Variants in KCNH5 observed in about 807,000 individuals in gnomAD.
KCNH5 encodes voltage-gated delayed rectifier potassium channel KCNH5.
In KCNH5, 46 loss-of-function variants were observed where a neutral mutation model predicts 96.1. The observed-to-expected ratio is 0.48, with a 90% CI of 0.38 to 0.61. KCNH5 has a LOEUF of 0.61. Among genes scored for constraint, KCNH5 ranks in the 20% least tolerant of loss-of-function variants. The pLI, the probability that KCNH5 is intolerant of heterozygous loss-of-function variation, is 0.00. For synonymous variants in KCNH5, 439 were observed against 449.8 expected, an observed-to-expected ratio of 0.98 and a Z score of 0.30; for missense variants, 907 against 1,225.8, an observed-to-expected ratio of 0.74 and a Z score of 3.88.
chr14:63,007,752 G>A (rs1011043563), intron 2 of KCNH5, among the ~76,000 whole-genome samples: 4 of 152,086 alleles, frequency 2.6e-5, no homozygotes, highest in African/African-American at 7.2e-5. Flanking sequence ...CTTAAGATAG[G>A]TACAAGTGTG....
chr14:62,811,100 C>A (rs1886864091), intron 8 of KCNH5, among the ~76,000 whole-genome samples: 1 of 152,026 alleles, frequency 6.6e-6, no homozygotes, highest in Non-Finnish European at 1.5e-5. Flanking sequence ...ATGTCATGGT[C>A]TGAAAAAGAA....
chr14:62,714,126 AT>A (rs1239087447), intron 10 of KCNH5, among the ~76,000 whole-genome samples: 1 of 16,890 alleles, frequency 5.9e-5, no homozygotes, highest in African/African-American at 7.7e-5. Flanking sequence ...CTACAATAAA[AT>A]TTAAAAAAAA....
At chr14:62,984,278 G>A (rs939241529) in intron 5 of KCNH5, among the ~76,000 whole-genome samples, 3 of 152,060 alleles carry the variant, frequency 2.0e-5, no homozygotes, top group Non-Finnish European at 2.9e-5. Flanking sequence ...GTGGCAGGGC[G>A]TATATATTTA....
chr14:62,988,099 T>A (rs1890743306), intron 4 of KCNH5, among the ~76,000 whole-genome samples: 2 of 152,092 alleles, frequency 1.3e-5, no homozygotes, highest in African/African-American at 4.8e-5. Flanking sequence ...AATTTTCTTC[T>A]GGGGCCTCAA....
At chr14:62,743,583 T>G (rs1885316784) in intron 10 of KCNH5, among the ~76,000 whole-genome samples, 1 of 152,204 alleles carries the variant, frequency 6.6e-6, no homozygotes, top group South Asian at 2.1e-4. Flanking sequence ...TTAAAAAATC[T>G]AATACGGGAA....
At chr14:62,962,874 A>G (rs1324154708) in intron 6 of KCNH5, among the ~76,000 whole-genome samples, 1 of 152,186 alleles carries the variant, frequency 6.6e-6, no homozygotes, top group Non-Finnish European at 1.5e-5. Flanking sequence ...TCAGCAAAAA[A>G]TAACCTTCAA....
intron 6 of KCNH5, among the ~76,000 whole-genome samples, chr14:62,956,311 T>C (rs889847991): frequency 1.8e-4 from 27 of 152,118 alleles, no homozygotes; most frequent in Admixed American, 6.6e-5. Context: ...ATGGAACTAC[T>C]CCATGGGGTT....
At chr14:62,799,860 A>T (rs1886624156) in intron 9 of KCNH5, among the ~76,000 whole-genome samples, 1 of 144,042 alleles carries the variant, frequency 6.9e-6, no homozygotes, top group South Asian at 2.1e-4. Context: ...TTTAATATTT[A>T]ATATATATAT....
chr14:62,812,282 T>C (rs1041266572), intron 8 of KCNH5, among the ~76,000 whole-genome samples: 1 of 152,184 alleles, frequency 6.6e-6, no homozygotes, highest in African/African-American at 2.4e-5. Flanking sequence ...GCCACTGCCA[T>C]AGAACAGCCT....
intron 8 of KCNH5, among the ~76,000 whole-genome samples, chr14:62,842,474 T>C (rs1178017127): frequency 6.6e-6 from 1 of 152,240 alleles, no homozygotes; most frequent in African/African-American, 2.4e-5. Context: ...GATGTAACAA[T>C]AGTTAAGTTC....
intron 7 of KCNH5, among the ~76,000 whole-genome samples, chr14:62,884,718 A>T (rs1399263230): frequency 6.6e-6 from 1 of 152,230 alleles, no homozygotes; most frequent in Non-Finnish European, 1.5e-5. Flanking sequence ...GCCAGCTGTT[A>T]AAAAAAGAAG....
chr14:62,966,101 A>G (rs1323758232), intron 6 of KCNH5, among the ~76,000 whole-genome samples: 1 of 152,200 alleles, frequency 6.6e-6, no homozygotes, highest in Non-Finnish European at 1.5e-5. Context: ...ATAAATGTGA[A>G]TGTAACTGAA....
intron 7 of KCNH5, among the ~76,000 whole-genome samples, chr14:62,928,214 A>C (rs1889511655): frequency 6.6e-6 from 1 of 152,126 alleles, no homozygotes; most frequent in African/African-American, 2.4e-5. Context: ...ATCCTGCAGA[A>C]GTCATGCGGT....
chr14:62,805,136 T>C (rs1886739559), intron 8 of KCNH5, among the ~76,000 whole-genome samples: 1 of 152,100 alleles, frequency 6.6e-6, no homozygotes, highest in Admixed American at 6.5e-5. Context: ...AATGGAAAAA[T>C]AGACTGCTCT....
intron 7 of KCNH5, among the ~76,000 whole-genome samples, chr14:62,899,184 G>A (rs1888872846): frequency 6.6e-6 from 1 of 152,016 alleles, no homozygotes; most frequent in African/African-American, 2.4e-5. Context: ...TGGTCATAAA[G>A]CAAGTCTTGA....
At chr14:63,029,220 A>T (rs760610167) in intron 1 of KCNH5, among the ~76,000 whole-genome samples, 25 of 152,272 alleles carry the variant, frequency 1.6e-4, no homozygotes, top group Non-Finnish European at 3.7e-4. Context: ...AGTGGTAAAC[A>T]TTTCTAACAA....
chr14:62,967,517 C>A (rs1890326607), intron 6 of KCNH5, among the ~76,000 whole-genome samples: 1 of 151,882 alleles, frequency 6.6e-6, no homozygotes, highest in South Asian at 2.1e-4. Flanking sequence ...TTTTGTTAAC[C>A]CTTTACCTAA....
chr14:62,769,498 A>T (rs1179955177), intron 10 of KCNH5, among the ~76,000 whole-genome samples: 1 of 152,144 alleles, frequency 6.6e-6, no homozygotes, highest in Non-Finnish European at 1.5e-5. Context: ...ATCTCAATTC[A>T]CTCCACAGTG....
At chr14:62,848,132 T>C (rs1220332191) in intron 8 of KCNH5, among the ~76,000 whole-genome samples, 4 of 152,232 alleles carry the variant, frequency 2.6e-5, no homozygotes, top group African/African-American at 4.8e-5. Context: ...TTAGTTACCA[T>C]GTGGCTCTAT....
Sources: allele counts gnomAD v4.1 joint callset (sites outside exome capture counted in the v4.1 genomes callset), GRCh38; gene constraint gnomAD v4.1.1; transcripts MANE v1.5; gene names NCBI Gene and HGNC (gene_info 2026-07-23, HGNC 2026-07-21).